MICALL2: variants seen among roughly 807,000 people sequenced by gnomAD.
MICALL2 encodes MICAL-like protein 2.
In MICALL2, 111 loss-of-function variants were observed where a neutral mutation model predicts 91.1. That is an observed-to-expected ratio of 1.22 (90% CI 1.04 to 1.43). MICALL2 has a LOEUF of 1.43. Ranked by LOEUF, MICALL2 falls within the 40% of genes most tolerant of loss-of-function variation. MICALL2 has a pLI of 0.00. For missense variants in MICALL2, 1,556 were observed against 1,236.0 expected, an observed-to-expected ratio of 1.26 and a Z score of -3.88; for synonymous variants, 694 against 525.3, an observed-to-expected ratio of 1.32 and a Z score of -4.39.
intron 9 of MICALL2, chr7:1,439,406 G>C (rs913889415): frequency 1.0e-5 from 2 of 196,470 alleles, no homozygotes; most frequent in African/African-American, 6.2e-5. Context: ...CATGAACACG[G>C]TTGCACACAC....
At chr7:1,454,408 A>G in intron 1 of MICALL2, among the ~76,000 whole-genome samples, 1 of 150,546 alleles carries the variant, frequency 6.6e-6, no homozygotes, top group South Asian at 2.1e-4. Flanking sequence ...GGAAGGAGCA[A>G]ACCTCAGAGA....
Position 1,440,029 on chromosome 7 carries a change from G to C in MICALL2, c.1862C>G (p.Pro621Arg). Residue 621 changes from proline (P) to arginine (R), a missense_variant, in exon 9 of 17, where the codon CCC (proline) becomes CGC (arginine). By Grantham distance (103) the Pro-to-Arg change is moderately radical. Transcript: ENST00000297508. ...AGCAAAGCTGCCTGAGACCTTCCTG[G>C]GGGCCTCCCCCGCCCTCGGCTCTGC... ...ALAEPRAGEA[P>R]RKVSGSFAGS... is the part of the protein sequence containing the mutation. The C allele has an allele frequency of 6.3e-7, 1 of 1,577,690 alleles. No homozygotes were observed. Among genetic ancestry groups the C allele is most frequent in the Non-Finnish European group, 8.6e-7 (1 of 1,168,702 alleles).
chr7:1,439,871 A>AG (rs1201845406), intron 9 of MICALL2, 54 bp downstream of exon 9: 2 of 1,368,926 alleles, frequency 1.5e-6, no homozygotes, highest in East Asian at 3.0e-5. Flanking sequence ...CCCCCACCCA[A>AG]GGGGGAGGGC....
At position 1,440,619 on chromosome 7, in the gene MICALL2, G is replaced by A. The variant is rs774347257; in HGVS notation, c.1777C>T (p.Pro593Ser). 10 of 1,612,596 alleles carry A rather than the reference G, an allele frequency of 6.2e-6. No homozygotes were observed. The Admixed American group carries it at 1.7e-4, about 27-fold the overall frequency. ...TCAGCTGGGCTTCTCCTGTCCACGG[G>A]CTTCAGATTCGCTCTCCATCCTGCC... ...GPAGWRANLK[P>S]VDRRSPAERT... is the part of the protein sequence containing the mutation. Residue 593 changes from proline (P) to serine (S), a missense_variant, in exon 8 of 17, where the codon CCC (proline) becomes TCC (serine). Pro to Ser is a moderately conservative substitution (Grantham distance 74). Coordinates refer to ENST00000297508, the MANE Select transcript of MICALL2 (RefSeq NM_182924.4).
chr7:1,438,908 G>T lies in MICALL2; in HGVS notation c.2054C>A (p.Pro685His). 1 of 1,609,422 alleles carries T rather than the reference G, an allele frequency of 6.2e-7. No homozygotes were observed. Among genetic ancestry groups the T allele is most frequent in the East Asian group, 2.2e-5 (1 of 44,868 alleles). The change falls in exon 10 of 17, where the codon CCT becomes CAT. Residue 685 changes from proline (P) to histidine (H), a missense_variant. Coordinates refer to ENST00000297508, the MANE Select transcript of MICALL2 (RefSeq NM_182924.4). ...GCTCTGCACTCGGGCTTCCTGGCCA[G>T]GGGGCTCCGGCCGAAGCCAGTTGTC... ...VCDNWLRPEP[P>H]GQEARVQSWK...
In MICALL2 at chr7:1,445,362, G is replaced by T; in HGVS notation, c.708C>A (p.Phe236Leu). The change falls in exon 6 of 17, where the codon TTC (phenylalanine) becomes TTA (leucine). Residue 236 changes from phenylalanine (F) to leucine (L), a missense_variant. Transcript: ENST00000297508. ...AYKATGEPGT[F>L]VCTSHLPAAA... ...CTGCGGGGAGGTGGCTGGTGCAGAC[G>T]AAGGTGCCCGGCTCTCCTGTGGCCT... 2 of 1,592,070 alleles carry T rather than the reference G, an allele frequency of 1.3e-6. No homozygotes were observed. Among genetic ancestry groups the T allele is most frequent in the African/African-American group, 1.3e-5 (1 of 74,842 alleles).
chr7:1,455,681 C>A (rs1010212961), intron 1 of MICALL2, among the ~76,000 whole-genome samples: 3 of 151,896 alleles, frequency 2.0e-5, no homozygotes, highest in African/African-American at 7.2e-5. Flanking sequence ...AGCCCGGGTG[C>A]CCCACCTGGC....
intron 1 of MICALL2, among the ~76,000 whole-genome samples, chr7:1,454,099 C>A (rs1207263805): frequency 1.3e-5 from 2 of 152,100 alleles, no homozygotes; most frequent in Non-Finnish European, 2.9e-5. Context: ...AATGTATACC[C>A]CCCTCCAAAT....
Position 1,437,576 on chromosome 7 carries a change from AG to A in MICALL2, c.2434del (p.Leu812TrpfsTer17). 1 of 1,536,460 alleles carries A rather than the reference AG, an allele frequency of 6.5e-7. No homozygotes were observed. The highest frequency in any genetic ancestry group is 8.7e-7 in the Non-Finnish European group (1 of 1,145,638). On this transcript the variant is annotated frameshift_variant, in exon 14 of 17. Transcript: ENST00000297508. LOFTEE classifies it high-confidence loss of function. ...CCGGCGCAGCTCGCCCTCGATGTCCAGCTGCTGCTCCTCCAGACGCTGGGCC... is the reference window on the plus strand; with the variant it reads ...CCGGCGCAGCTCGCCCTCGATGTCCACTGCTGCTCCTCCAGACGCTGGGCC... ...SKAQRLEEQQ[L>X]DIEGELRRLM...
rs1183100513 is a variant in MICALL2 at position 1,438,385 on chromosome 7, C to G, written c.2123-32G>C. 1.9e-6 allele frequency: 3 copies of G among 1,581,088 alleles called. No homozygotes were observed. In the African/African-American group the frequency reaches 4.0e-5, roughly 21 times the overall value. On this transcript the variant is annotated intron_variant, in intron 10 of 16. Coordinates refer to ENST00000297508, the MANE Select transcript of MICALL2 (RefSeq NM_182924.4). ...AAGGAGCAGGGTGAGCCTCTGGGAC[C>G]TGGGCCACCAGGCCCAACGTGACCA...
At position 1,438,139 on chromosome 7, in the gene MICALL2, G is replaced by A. The variant is rs561981177; in HGVS notation, c.2269C>T (p.Arg757Cys). 177 of 1,561,732 alleles carry A rather than the reference G, an allele frequency of 1.1e-4. No individual in the cohort carries two copies. The highest frequency in any genetic ancestry group is 1.7e-4 in the Middle Eastern group (1 of 5,790). The change falls in exon 12 of 17, where the codon CGC becomes TGC. Residue 757 changes from arginine (R) to cysteine (C), a missense_variant. By Grantham distance (180) the Arg-to-Cys change is radical. Transcript: ENST00000297508. ...IERRLDALEL[R>C]GVELEKRLRA... Reference sequence around the variant, plus strand: ...AGTCGCTTCTCCAGCTCCACGCCGCGGAGCTCCAGGGCGTCCAGCCGCCTC... The same window carrying A: ...AGTCGCTTCTCCAGCTCCACGCCGCAGAGCTCCAGGGCGTCCAGCCGCCTC...
chr7:1,447,147 G>A (rs1780635432), intron 4 of MICALL2, among the ~76,000 whole-genome samples: 1 of 152,154 alleles, frequency 6.6e-6, no homozygotes, highest in South Asian at 2.1e-4. Flanking sequence ...CCGGGAGCCT[G>A]GAGTGGCAGT....
intron 12 of MICALL2, 55 bp from the exon 13 acceptor site, chr7:1,438,035 GC>G: frequency 6.4e-7 from 1 of 1,558,396 alleles, no homozygotes; most frequent in Non-Finnish European, 8.7e-7. Flanking sequence ...ATGGCCCCCA[GC>G]CCCAGGACTG....
chr7:1,455,745 G>A (rs566208667), intron 1 of MICALL2, among the ~76,000 whole-genome samples: 5 of 151,974 alleles, frequency 3.3e-5, no homozygotes, highest in African/African-American at 7.2e-5. Flanking sequence ...AGGGCCAAGC[G>A]GAAGTGCTCT....
intron 5 of MICALL2, among the ~76,000 whole-genome samples, 178 bp from the exon 6 acceptor site, chr7:1,445,606 GT>G (rs528065582): frequency 3.3e-5 from 5 of 152,152 alleles, no homozygotes; most frequent in East Asian, 3.9e-4. Flanking sequence ...GGACTCCTGT[GT>G]TCCACTCACG....
chr7:1,455,529 G>A (rs974157751), intron 1 of MICALL2, among the ~76,000 whole-genome samples: 3 of 147,500 alleles, frequency 2.0e-5, no homozygotes, highest in East Asian at 1.9e-4. Flanking sequence ...GCCGTAAAGC[G>A]GAGATTCACG....
Position 1,442,256 on chromosome 7 carries a change from AC to A in MICALL2, c.1646del (p.Gly549ValfsTer20). ...LAESSGVGRVGAGSRPKPEAP... is the reference protein window; with the variant it reads ...LAESSGVGRVXAGSRPKPEAP... Reference sequence around the variant, plus strand: ...CCTCTGGCTTCGGCCTGGAGCCAGCACCCACCCTGCCGACCCCTGAGGATTC... The same window carrying A: ...CCTCTGGCTTCGGCCTGGAGCCAGCACCACCCTGCCGACCCCTGAGGATTC... On this transcript the variant is annotated frameshift_variant, in exon 7 of 17. Transcript: ENST00000297508. LOFTEE classifies it high-confidence loss of function. 6.2e-7 allele frequency: 1 copy of A among 1,612,694 alleles called. No individual in the cohort carries two copies. The highest frequency in any genetic ancestry group is 8.5e-7 in the Non-Finnish European group (1 of 1,179,890).
In MICALL2 at chr7:1,439,701, C is replaced by T. The variant is rs559392715; in HGVS notation, c.1966+224G>A. 1.4e-3 allele frequency: 618 copies of T among 432,304 alleles called. 2 individuals are homozygous for T. The highest frequency in any genetic ancestry group is 0.011 in the African/African-American group (520 of 48,798). 26.8% of individuals were successfully genotyped at this position (432,304 alleles called of 1,614,324 possible). A position where few individuals can be genotyped will look rare whatever the true frequency, so the allele number is the denominator to read the frequency against. Reference sequence around the variant, plus strand: ...TGTACACATGCGCACACATGCATCACGCATGGATACAGGCATCACATACAT... The same window carrying T: ...TGTACACATGCGCACACATGCATCATGCATGGATACAGGCATCACATACAT... On this transcript the variant is annotated intron_variant, in intron 9 of 16. Transcript: ENST00000297508.
At chr7:1,439,624 CAG>C (rs1780178463) in intron 9 of MICALL2, 2 of 330,760 alleles carry the variant, frequency 6.0e-6, no homozygotes, top group South Asian at 1.1e-4. Context: ...CATACATGAA[CAG>C]ACACATGGAC....
Sources: gnomAD v4.1 joint callset for allele counts (sites outside exome capture counted in the v4.1 genomes callset) on GRCh38, gnomAD v4.1.1 for gene constraint, MANE v1.5 for transcripts, NCBI Gene and HGNC (gene_info 2026-07-23, HGNC 2026-07-21) for gene names.